Variants in DPF3 observed in about 807,000 individuals in gnomAD.
DPF3 encodes double PHD fingers 3.
In DPF3, 18 loss-of-function variants were observed where a neutral mutation model predicts 56.8. That is an observed-to-expected ratio of 0.32 (90% CI 0.22 to 0.47). The LOEUF (loss-of-function observed/expected upper bound fraction) is 0.47. DPF3 is among the 20% of genes least tolerant of loss of function. The probability of loss-of-function intolerance (pLI) is 1.00; values close to 1 mark genes in which losing one functional copy is unlikely to be tolerated. For synonymous variants in DPF3, 188 were observed against 180.2 expected, an observed-to-expected ratio of 1.04 and a Z score of -0.35; for missense variants, 403 against 488.8, an observed-to-expected ratio of 0.82 and a Z score of 1.65.
At chr14:72,782,005 T>C (rs930931010) in intron 1 of DPF3, among the ~76,000 whole-genome samples, 1 of 152,188 alleles carries the variant, frequency 6.6e-6, no homozygotes, top group Admixed American at 6.5e-5. Context: ...ACTCTCACTA[T>C]GAGCTGGGCA....
chr14:72,672,083 ACC>A (rs1567196067), intron 8 of DPF3, among the ~76,000 whole-genome samples: 2 of 150,234 alleles, frequency 1.3e-5, no homozygotes, highest in African/African-American at 4.9e-5. Context: ...ACACACACAC[ACC>A]CAGCCACCAG....
chr14:72,765,512 C>A (rs747039945), intron 2 of DPF3, among the ~76,000 whole-genome samples: 35 of 152,166 alleles, frequency 2.3e-4, no homozygotes, highest in Non-Finnish European at 3.8e-4. Flanking sequence ...ATCCAAATGT[C>A]CATCAACAGG....
chr14:72,834,534 C>T (rs1372499521), intron 1 of DPF3, among the ~76,000 whole-genome samples: 1 of 150,648 alleles, frequency 6.6e-6, no homozygotes, highest in Non-Finnish European at 1.5e-5. Context: ...CCACTTCACA[C>T]CTGGTGGGAT....
intron 1 of DPF3, among the ~76,000 whole-genome samples, chr14:72,884,707 A>C (rs1350735006): frequency 6.6e-6 from 1 of 150,620 alleles, no homozygotes; most frequent in Admixed American, 6.6e-5. Flanking sequence ...GGAAGCCTTC[A>C]CTCCAAGCCT....
At chr14:72,671,681 T>C (rs549655551) in intron 8 of DPF3, among the ~76,000 whole-genome samples, 61 of 152,342 alleles carry the variant, frequency 4.0e-4, no homozygotes, top group Non-Finnish European at 7.5e-4. Context: ...ATGATTTTCA[T>C]TGGTGGTTTT....
At chr14:72,790,886 G>C (rs1892402192) in intron 1 of DPF3, among the ~76,000 whole-genome samples, 1 of 152,060 alleles carries the variant, frequency 6.6e-6, no homozygotes, top group South Asian at 2.1e-4. Flanking sequence ...TTCTCTCTCT[G>C]CCATTCTTTT....
intron 1 of DPF3, among the ~76,000 whole-genome samples, chr14:72,841,003 A>G (rs1884522744): frequency 6.6e-6 from 1 of 152,200 alleles, no homozygotes; most frequent in East Asian, 1.9e-4. Flanking sequence ...TACTGCATCA[A>G]GTCAATTCTG....
At chr14:72,682,544 T>C (rs1436272678) in intron 7 of DPF3, among the ~76,000 whole-genome samples, 1 of 152,206 alleles carries the variant, frequency 6.6e-6, no homozygotes. Context: ...ATAATTAGGA[T>C]TCAACAAGCC....
intron 1 of DPF3, among the ~76,000 whole-genome samples, chr14:72,784,238 A>G (rs2139969895): frequency 6.6e-6 from 1 of 152,268 alleles, no homozygotes; most frequent in African/African-American, 2.4e-5. Flanking sequence ...ATACTTGTAA[A>G]TAGAACAAAG....
chr14:72,684,333 C>T (rs928859529), intron 7 of DPF3, among the ~76,000 whole-genome samples: 8 of 152,294 alleles, frequency 5.3e-5, no homozygotes, highest in African/African-American at 1.9e-4. Context: ...AGGTATGAGC[C>T]ACAGCCTGCT....
intron 2 of DPF3, among the ~76,000 whole-genome samples, chr14:72,754,852 A>T (rs758867542): frequency 6.6e-6 from 1 of 152,244 alleles, no homozygotes; most frequent in Non-Finnish European, 1.5e-5. Flanking sequence ...AGGTCTCTTT[A>T]TGTTTAATCA....
At chr14:72,868,389 C>A (rs1356618411) in intron 1 of DPF3, among the ~76,000 whole-genome samples, 1 of 152,196 alleles carries the variant, frequency 6.6e-6, no homozygotes, top group Non-Finnish European at 1.5e-5. Context: ...CGGTTATAAC[C>A]ACTCCCACAC....
rs1333598912 is a variant in DPF3, at chr14:72,702,722, T to G, written c.605-9509A>C. Among the ~76,000 whole-genome samples, 4 of 152,130 alleles carry G rather than the reference T, an allele frequency of 2.6e-5. No individual in the cohort carries two copies. The East Asian group carries it at 7.7e-4, about 29-fold the overall frequency. On this transcript the variant is annotated intron_variant, in intron 6 of 10. Transcript: ENST00000556509. Reference sequence around the variant, plus strand: ...AGAAAAGCCCTGTGTGACTCCCAGATACAAACTCAGATCGGGATAAAGCCC... The same window carrying G: ...AGAAAAGCCCTGTGTGACTCCCAGAGACAAACTCAGATCGGGATAAAGCCC...
chr14:72,786,383 C>T (rs987964031), intron 1 of DPF3, among the ~76,000 whole-genome samples: 6 of 152,224 alleles, frequency 3.9e-5, no homozygotes, highest in African/African-American at 1.2e-4. Context: ...ATTCCTCCAT[C>T]GTTTATGGCA....
chr14:72,729,264 A>C (rs1426969835), intron 4 of DPF3, among the ~76,000 whole-genome samples: 2 of 152,196 alleles, frequency 1.3e-5, no homozygotes, highest in African/African-American at 4.8e-5. Context: ...AAATAAATTC[A>C]TAAATAATAA....
intron 8 of DPF3, among the ~76,000 whole-genome samples, chr14:72,648,885 C>T (rs763827152): frequency 4.6e-5 from 7 of 152,148 alleles, no homozygotes; most frequent in African/African-American, 9.7e-5. Context: ...CTCTGTTGAG[C>T]GTCCAATTTC....
At chr14:72,720,590 C>T (rs1242159732) in intron 5 of DPF3, among the ~76,000 whole-genome samples, 1 of 152,228 alleles carries the variant, frequency 6.6e-6, no homozygotes, top group Non-Finnish European at 1.5e-5. Flanking sequence ...TCTCTCATCT[C>T]CCCTACAGCT....
intron 3 of DPF3, among the ~76,000 whole-genome samples, chr14:72,750,415 T>C (rs1167410916): frequency 2.6e-5 from 4 of 152,244 alleles, no homozygotes; most frequent in Non-Finnish European, 4.4e-5. Flanking sequence ...AGACTTTTTA[T>C]AGAAATGTTA....
chr14:72,805,169 G>C (rs977968693), intron 1 of DPF3, among the ~76,000 whole-genome samples: 28 of 152,134 alleles, frequency 1.8e-4, no homozygotes, highest in African/African-American at 6.8e-4. Context: ...GAAACCTGCA[G>C]CTTCTAAAAC....
Sources: allele counts gnomAD v4.1 joint callset (sites outside exome capture counted in the v4.1 genomes callset), GRCh38; gene constraint gnomAD v4.1.1; transcripts MANE v1.5; gene names NCBI Gene and HGNC (gene_info 2026-07-23, HGNC 2026-07-21).